CTNNA3: variants seen among roughly 807,000 people sequenced by gnomAD.
CTNNA3 encodes catenin alpha 3.
CTNNA3 carries 76 observed loss-of-function variants against 95.7 expected under a neutral mutation model. The observed-to-expected ratio is 0.79, with a 90% CI of 0.66 to 0.96. CTNNA3 has a LOEUF of 0.96. Among genes scored for constraint, CTNNA3 ranks in the 40% least tolerant of loss-of-function variants. The probability of loss-of-function intolerance (pLI) is 0.00; values close to 1 mark genes in which losing one functional copy is unlikely to be tolerated. For missense variants in CTNNA3, 1,191 were observed against 1,089.8 expected, an observed-to-expected ratio of 1.09 and a Z score of -1.31; for synonymous variants, 431 against 374.4, an observed-to-expected ratio of 1.15 and a Z score of -1.74.
chr10:67,640,898 A>C (rs1313757453), intron 2 of CTNNA3, among the ~76,000 whole-genome samples: 1 of 152,232 alleles, frequency 6.6e-6, no homozygotes, highest in African/African-American at 2.4e-5. Flanking sequence ...AAACCATAAA[A>C]ACCCTAGAAG....
rs540297825 is a variant in CTNNA3, at chr10:66,821,644, T to A, written c.1048-46120A>T. 2.6e-5 allele frequency among the ~76,000 whole-genome samples: 4 copies of A among 152,328 alleles called. No homozygotes were observed. The South Asian group carries it at 8.3e-4, about 32-fold the overall frequency. On this transcript the variant is annotated intron_variant, in intron 7 of 17. Transcript: ENST00000433211. ...GTCATAAGAGCAAATGATTCCTAAATGTTTAGCATTATTTCTAGAGACAGG... is the reference window on the plus strand; with the variant it reads ...GTCATAAGAGCAAATGATTCCTAAAAGTTTAGCATTATTTCTAGAGACAGG...
At position 65,920,151 on chromosome 10, in the gene CTNNA3, A is replaced by T. The variant is rs1468476425; in HGVS notation, c.*179T>A. On this transcript the variant is annotated 3_prime_UTR_variant, in exon 18 of 18. Coordinates refer to ENST00000433211, the MANE Select transcript of CTNNA3 (RefSeq NM_013266.4). ...ACTATTAGGTGCTGACCATACAGAA[A>T]TGACAGTGATATGATCCCAAATATA... The T allele has an allele frequency of 2.3e-5, 14 of 602,128 alleles. No homozygotes were observed. In the East Asian group the frequency reaches 3.9e-4, roughly 17 times the overall value. The allele number at this position is 602,128 out of a possible 1,614,324, so 37.3% of individuals were successfully genotyped here.
chr10:67,092,592 T>C (rs1857720219), intron 7 of CTNNA3, among the ~76,000 whole-genome samples: 1 of 152,026 alleles, frequency 6.6e-6, no homozygotes, highest in Non-Finnish European at 1.5e-5. Context: ...ATAGTTAATA[T>C]GTGGTAAAAA....
chr10:66,174,810 A>G (rs763046798), intron 13 of CTNNA3, among the ~76,000 whole-genome samples: 7 of 152,126 alleles, frequency 4.6e-5, no homozygotes, highest in Non-Finnish European at 8.8e-5. Flanking sequence ...ATTAAAAGGT[A>G]TATTCACATA....
chr10:67,335,580 T>C (rs995188540), intron 5 of CTNNA3, among the ~76,000 whole-genome samples: 10 of 152,174 alleles, frequency 6.6e-5, no homozygotes, highest in African/African-American at 2.4e-4. Context: ...GGTAAATAAT[T>C]ATCTTACTTG....
At chr10:67,087,158 A>G (rs535133015) in intron 7 of CTNNA3, among the ~76,000 whole-genome samples, 59 of 152,148 alleles carry the variant, frequency 3.9e-4, no homozygotes, top group Non-Finnish European at 5.3e-4. Flanking sequence ...TTTACATGTA[A>G]ATGAACACAC....
At chr10:66,271,944 A>C (rs1218250355) in intron 13 of CTNNA3, among the ~76,000 whole-genome samples, 1 of 152,104 alleles carries the variant, frequency 6.6e-6, no homozygotes. Context: ...CCTTAGTCAA[A>C]AGTTTCTTCA....
At chr10:66,003,340 G>A (rs2133370199) in intron 15 of CTNNA3, among the ~76,000 whole-genome samples, 1 of 152,048 alleles carries the variant, frequency 6.6e-6, no homozygotes, top group East Asian at 1.9e-4. Context: ...GTGTGTGTGT[G>A]TGTGTGTGGA....
intron 5 of CTNNA3, among the ~76,000 whole-genome samples, chr10:67,503,429 T>A (rs1839295356): frequency 6.6e-6 from 1 of 152,204 alleles, no homozygotes; most frequent in Non-Finnish European, 1.5e-5. Context: ...CTTGCCCCTA[T>A]ATGTCTATCT....
chr10:66,460,284 G>A (rs1014387563), intron 11 of CTNNA3, among the ~76,000 whole-genome samples: 1 of 152,156 alleles, frequency 6.6e-6, no homozygotes, highest in African/African-American at 2.4e-5. Flanking sequence ...AGAAACTTGT[G>A]CCAGAATGTA....
At chr10:66,135,799 G>A (rs1015753335) in intron 13 of CTNNA3, among the ~76,000 whole-genome samples, 1 of 152,006 alleles carries the variant, frequency 6.6e-6, no homozygotes, top group African/African-American at 2.4e-5. Flanking sequence ...ATGCACTGGT[G>A]TTCTGCTAAA....
chr10:67,399,395 C>A (rs1844836119), intron 5 of CTNNA3, among the ~76,000 whole-genome samples: 1 of 151,974 alleles, frequency 6.6e-6, no homozygotes, highest in Admixed American at 6.6e-5. Context: ...CACATTAAAT[C>A]CCCTAGACTC....
intron 17 of CTNNA3, among the ~76,000 whole-genome samples, chr10:65,922,056 G>T (rs947570664): frequency 1.3e-5 from 2 of 152,218 alleles, no homozygotes; most frequent in Non-Finnish European, 2.9e-5. Context: ...CTGGTGACTT[G>T]CTCAAAGTAA....
At chr10:66,127,816 C>T (rs1011113246) in intron 13 of CTNNA3, among the ~76,000 whole-genome samples, 3 of 152,130 alleles carry the variant, frequency 2.0e-5, no homozygotes, top group Middle Eastern at 3.2e-3. Context: ...AACTGTTTTG[C>T]CTGTAATTCC....
intron 7 of CTNNA3, among the ~76,000 whole-genome samples, chr10:66,869,112 C>G (rs186861540): frequency 6.6e-6 from 1 of 152,250 alleles, no homozygotes; most frequent in East Asian, 1.9e-4. Context: ...CAAATACTGA[C>G]TTTTTAAATA....
At chr10:66,515,637 A>T (rs914411585) in intron 11 of CTNNA3, among the ~76,000 whole-genome samples, 2 of 152,152 alleles carry the variant, frequency 1.3e-5, no homozygotes, top group African/African-American at 4.8e-5. Flanking sequence ...TCACAGTTCC[A>T]CATGGCTAGG....
intron 10 of CTNNA3, among the ~76,000 whole-genome samples, chr10:66,583,067 T>C (rs1843244042): frequency 6.6e-6 from 1 of 151,770 alleles, no homozygotes; most frequent in Non-Finnish European, 1.5e-5. Context: ...TTTTTGCATC[T>C]ATATTCATCA....
intron 5 of CTNNA3, among the ~76,000 whole-genome samples, chr10:67,275,551 T>A (rs1028135332): frequency 9.2e-5 from 14 of 151,786 alleles, no homozygotes; most frequent in Admixed American, 2.0e-4. Context: ...GAAAAAAGAA[T>A]AACAGTAAAC....
intron 11 of CTNNA3, among the ~76,000 whole-genome samples, chr10:66,390,227 G>T (rs950408851): frequency 2.6e-5 from 4 of 152,146 alleles, no homozygotes; most frequent in African/African-American, 4.8e-5. Flanking sequence ...AAGCTAGATT[G>T]GTTCAGAGGT....
Sources: gnomAD v4.1 joint callset for allele counts (sites outside exome capture counted in the v4.1 genomes callset) on GRCh38, gnomAD v4.1.1 for gene constraint, MANE v1.5 for transcripts, NCBI Gene and HGNC (gene_info 2026-07-23, HGNC 2026-07-21) for gene names.